Variants in SLA2 observed in about 807,000 individuals in gnomAD.
SLA2 encodes Src like adaptor 2.
In SLA2, 22 loss-of-function variants were observed where a neutral mutation model predicts 27.3. The observed-to-expected ratio is 0.81, with a 90% CI of 0.58 to 1.15. The LOEUF is 1.15. Among genes scored for constraint, SLA2 ranks in the 50% most tolerant of loss-of-function variants. SLA2 has a pLI of 0.00. For synonymous variants in SLA2, 131 were observed against 137.8 expected, an observed-to-expected ratio of 0.95 and a Z score of 0.34; for missense variants, 304 against 322.2, an observed-to-expected ratio of 0.94 and a Z score of 0.43.
At chr20:36,619,261 C>T (rs1339351119) in intron 5 of SLA2, among the ~76,000 whole-genome samples, 1 of 143,792 alleles carries the variant, frequency 7.0e-6, no homozygotes, top group Non-Finnish European at 1.5e-5. Context: ...TGCGGTGGCT[C>T]ACACCTGTAA....
At chr20:36,614,577 G>A in intron 6 of SLA2, 140 bp from the exon 7 acceptor site, 1 of 1,441,250 alleles carries the variant, frequency 6.9e-7, no homozygotes, top group East Asian at 2.5e-5. Context: ...CCAAGCTATT[G>A]GTTTCATGGA....
At chr20:36,632,866 C>T (rs2039406494) in intron 4 of SLA2, among the ~76,000 whole-genome samples, 168 bp from the exon 5 acceptor site, 1 of 152,140 alleles carries the variant, frequency 6.6e-6, no homozygotes, top group Admixed American at 6.5e-5. Flanking sequence ...AGGTCCATGC[C>T]ATTTTTGTCC....
intron 2 of SLA2, among the ~76,000 whole-genome samples, chr20:36,637,578 C>T (rs2147994956): frequency 6.7e-6 from 1 of 148,260 alleles, no homozygotes; most frequent in East Asian, 2.0e-4. Context: ...TTTGCAGGCA[C>T]ATTGATGTTA....
At chr20:36,619,604 C>T (rs145683480) in intron 5 of SLA2, among the ~76,000 whole-genome samples, 197 of 151,600 alleles carry the variant, frequency 1.3e-3, no homozygotes, top group African/African-American at 4.3e-3. Context: ...AACATAGAGA[C>T]CCCCTTCCCA....
At chr20:36,615,452 G>C (rs2039198776) in intron 5 of SLA2, 78 bp from the exon 6 acceptor site, 1 of 1,586,104 alleles carries the variant, frequency 6.3e-7, no homozygotes, top group Non-Finnish European at 8.6e-7. Flanking sequence ...AACGAAGATA[G>C]GCAACGTGAC....
At position 36,613,764 on chromosome 20, in the gene SLA2, C is replaced by A; in HGVS notation, c.*102G>T. ...CCTAGATGCACCTCTGTGTCCCACC[C>A]TCCCTCCCTGAGTGCACAGCCTTGC... On this transcript the variant is annotated 3_prime_UTR_variant, in exon 8 of 8. Transcript: ENST00000262866. The A allele has an allele frequency of 1.8e-6, 1 of 549,008 alleles. No homozygotes were observed. 34.0% of individuals were successfully genotyped at this position (549,008 alleles called of 1,614,324 possible). A position where few individuals can be genotyped will look rare whatever the true frequency, so the allele number is the denominator to read the frequency against.
At chr20:36,627,538 C>A (rs2039351601) in intron 5 of SLA2, among the ~76,000 whole-genome samples, 1 of 152,214 alleles carries the variant, frequency 6.6e-6, no homozygotes, top group Admixed American at 6.5e-5. Flanking sequence ...TGACAGTGGA[C>A]AGAGGTGAGC....
At chr20:36,632,452 G>A (rs1568606986) in intron 5 of SLA2, 143 bp downstream of exon 5, 10 of 648,424 alleles carry the variant, frequency 1.5e-5, no homozygotes, top group East Asian at 1.1e-4. Context: ...GGCAGGACAC[G>A]GAGCTGGGGC....
At chr20:36,633,738 G>C (rs1600828648) in intron 3 of SLA2, 109 bp from the exon 4 acceptor site, 2 of 831,556 alleles carry the variant, frequency 2.4e-6, no homozygotes, top group Non-Finnish European at 3.9e-6. Context: ...GTGGCCACCT[G>C]TCCTGCCTGT....
At position 36,613,614 on chromosome 20, in the gene SLA2, A is replaced by G. The variant is rs1600812653; in HGVS notation, c.*252T>C. ...CCCAGGAGGCTTATTCTCTTTTTGG[A>G]ACCCTGGCCCTGGTCCCACCTTCTC... On this transcript the variant is annotated 3_prime_UTR_variant, in exon 8 of 8. Transcript: ENST00000262866. 2.5e-6 allele frequency: 1 copy of G among 396,572 alleles called. No homozygotes were observed. Among genetic ancestry groups the G allele is most frequent in the Non-Finnish European group, 4.5e-6 (1 of 221,448 alleles). 24.6% of individuals were successfully genotyped at this position (396,572 alleles called of 1,614,324 possible).
chr20:36,630,412 G>C (rs2039382125), intron 5 of SLA2, among the ~76,000 whole-genome samples: 1 of 152,160 alleles, frequency 6.6e-6, no homozygotes, highest in South Asian at 2.1e-4. Context: ...TATCACAGTT[G>C]GTTCATATCA....
At chr20:36,627,027 T>C (rs1007598902) in intron 5 of SLA2, among the ~76,000 whole-genome samples, 1 of 152,102 alleles carries the variant, frequency 6.6e-6, no homozygotes, top group Non-Finnish European at 1.5e-5. Flanking sequence ...AAAGTCCCAC[T>C]GGAAAGAATG....
At chr20:36,625,909 G>A (rs2039332478) in intron 5 of SLA2, among the ~76,000 whole-genome samples, 1 of 151,692 alleles carries the variant, frequency 6.6e-6, no homozygotes, top group South Asian at 2.1e-4. Context: ...CAGATCACCT[G>A]AGGTCAGAAG....
At chr20:36,631,870 G>A (rs1380870346) in intron 5 of SLA2, among the ~76,000 whole-genome samples, 1 of 152,182 alleles carries the variant, frequency 6.6e-6, no homozygotes, top group Admixed American at 6.5e-5. Flanking sequence ...ACTCTGACTG[G>A]TGCTGCATGA....
chr20:36,624,366 C>T (rs2039315550), intron 5 of SLA2, among the ~76,000 whole-genome samples: 1 of 152,194 alleles, frequency 6.6e-6, no homozygotes, highest in African/African-American at 2.4e-5. Context: ...GAGGACGCGC[C>T]TCCCTGAGGC....
chr20:36,627,787 A>G lies in SLA2; in HGVS notation c.382+4808T>C, dbSNP rs541286178. On this transcript the variant is annotated intron_variant, in intron 5 of 7. Transcript: ENST00000262866. ...CCCGAGGCCTATCATATAGCCAGGTATGCCAGAAGGACTTGGGAAGATGGG... is the reference window on the plus strand; with the variant it reads ...CCCGAGGCCTATCATATAGCCAGGTGTGCCAGAAGGACTTGGGAAGATGGG... 3.3e-5 allele frequency among the ~76,000 whole-genome samples: 5 copies of G among 152,278 alleles called. No individual in the cohort carries two copies. The East Asian group carries it at 9.6e-4, about 29-fold the overall frequency.
chr20:36,622,294 T>A (rs1348997937), intron 5 of SLA2, among the ~76,000 whole-genome samples: 2 of 151,410 alleles, frequency 1.3e-5, no homozygotes, highest in Non-Finnish European at 2.9e-5. Context: ...GGAGTATCTC[T>A]TGAACCCGGG....
At chr20:36,615,599 C>T (rs1362733354) in intron 5 of SLA2, among the ~76,000 whole-genome samples, 7 of 152,168 alleles carry the variant, frequency 4.6e-5, no homozygotes, top group Admixed American at 4.6e-4. Context: ...GCCCTCAGTA[C>T]AGGGTCTGGC....
chr20:36,637,679 T>TGCAGTG (rs1341303357), intron 2 of SLA2, among the ~76,000 whole-genome samples: 1 of 128,624 alleles, frequency 7.8e-6, no homozygotes, highest in Non-Finnish European at 1.6e-5. Context: ...CAGGCTGGAG[T>TGCAGTG]GCAGTGGCAT....
Sources: allele counts gnomAD v4.1 joint callset (sites outside exome capture counted in the v4.1 genomes callset), GRCh38; gene constraint gnomAD v4.1.1; transcripts MANE v1.5; gene names NCBI Gene and HGNC (gene_info 2026-07-23, HGNC 2026-07-21).